Variants in TMPRSS15 observed in about 807,000 individuals in gnomAD.
TMPRSS15 encodes the protein transmembrane serine protease 15, also known as enteropeptidase.
Under a neutral mutation model 125.3 loss-of-function variants are expected in TMPRSS15, and 128 were observed. The ratio of observed to expected loss-of-function variants is 1.02; its 90% confidence interval spans 0.89 to 1.18. The LOEUF is 1.18. Among genes scored for constraint, TMPRSS15 ranks in the 50% most tolerant of loss-of-function variants. The pLI is 0.00. For missense variants in TMPRSS15, 1,283 were observed against 1,212.7 expected (o/e 1.06, Z -0.86); for synonymous variants, 446 against 423.2 (o/e 1.05, Z -0.66).
At chr21:18,462,951 C>A (rs1978578941) in intron 1 of TMPRSS15, among the ~76,000 whole-genome samples, 1 of 151,968 alleles carries the variant, frequency 6.6e-6, no homozygotes, top group Non-Finnish European at 1.5e-5. Context: ...CATATCCACC[C>A]AAACTGAGCT....
At position 18,341,565 on chromosome 21, in the gene TMPRSS15, C is replaced by T; in HGVS notation, c.1429-17G>A. On this transcript the variant is annotated splice_polypyrimidine_tract_variant and intron_variant, in intron 12 of 24. Transcript: ENST00000284885. ...AAAAGCAACCTGCAATTCAGAGAGGCATATGAAACGATTTGATTCCATTCT... is the reference window on the plus strand; with the variant it reads ...AAAAGCAACCTGCAATTCAGAGAGGTATATGAAACGATTTGATTCCATTCT... 2.5e-6 allele frequency: 4 copies of T among 1,613,664 alleles called. No homozygotes were observed. The highest frequency in any genetic ancestry group is 3.4e-6 in the Non-Finnish European group (4 of 1,179,702).
At chr21:18,448,030 A>G (rs541645766) in intron 1 of TMPRSS15, among the ~76,000 whole-genome samples, 2 of 152,340 alleles carry the variant, frequency 1.3e-5, no homozygotes, top group Non-Finnish European at 2.9e-5. Flanking sequence ...GTAAATTAGT[A>G]CAGCCATTAT....
At chr21:18,438,100 G>T (rs1364128831) in intron 1 of TMPRSS15, among the ~76,000 whole-genome samples, 1 of 151,168 alleles carries the variant, frequency 6.6e-6, no homozygotes, top group African/African-American at 2.4e-5. Context: ...CGATAGACTG[G>T]ATTAAGAAAA....
intron 1 of TMPRSS15, among the ~76,000 whole-genome samples, chr21:18,479,831 A>G (rs1978947907): frequency 5.3e-5 from 8 of 152,022 alleles, no homozygotes; most frequent in Admixed American, 5.3e-4. Context: ...ACAGTGTGGC[A>G]ATTCCTCAAG....
intron 5 of TMPRSS15, 132 bp from the exon 6 acceptor site, chr21:18,372,456 C>T (rs746107250): frequency 1.5e-5 from 12 of 798,096 alleles, no homozygotes; most frequent in Non-Finnish European, 2.4e-5. Flanking sequence ...ATATTTATTT[C>T]ATTTGCAAAT....
At chr21:18,425,498 C>A (rs1415018040) in intron 1 of TMPRSS15, among the ~76,000 whole-genome samples, 1 of 152,068 alleles carries the variant, frequency 6.6e-6, no homozygotes, top group African/African-American at 2.4e-5. Context: ...TTCTGTCGGT[C>A]AATTAAAAAC....
At chr21:18,479,650 C>G (rs9305870) in intron 1 of TMPRSS15, among the ~76,000 whole-genome samples, 7,294 of 152,124 alleles carry the variant, frequency 0.048, 490 homozygotes, top group African/African-American at 0.15. Flanking sequence ...CTCATCATCA[C>G]TGGTCACTAG....
rs756678214 is a variant in TMPRSS15, at chr21:18,332,118, C to G, written c.1620G>C (p.Thr540=). 4 of 1,614,058 alleles carry G rather than the reference C, an allele frequency of 2.5e-6. No individual in the cohort carries two copies. The East Asian group carries it at 6.7e-5, about 27-fold the overall frequency. Residue 540 remains threonine (T), a synonymous_variant, in exon 14 of 25, where the codon ACG becomes ACC. Coordinates refer to ENST00000284885, the MANE Select transcript of TMPRSS15 (RefSeq NM_002772.3). ...GATTAGGGTAGCTGTTTGGAAAGTT[C>G]GTAGAACTGAATGTTGTATTTGGCT... is the stretch of plus-strand genomic sequence containing the variant. ...LWEPNTTFSS[T]NFPNSYPNLA... is the part of the protein sequence containing the mutation.
chr21:18,367,908 T>C (rs1034045627), intron 6 of TMPRSS15, among the ~76,000 whole-genome samples: 1 of 152,062 alleles, frequency 6.6e-6, no homozygotes, highest in Non-Finnish European at 1.5e-5. Flanking sequence ...AATATCACAA[T>C]ATATATATAC....
At chr21:18,281,511 G>A (rs2074697853) in intron 21 of TMPRSS15, among the ~76,000 whole-genome samples, 1 of 152,080 alleles carries the variant, frequency 6.6e-6, no homozygotes, top group Non-Finnish European at 1.5e-5. Context: ...CTCGTGAGGT[G>A]CTTTTAAATA....
In TMPRSS15 at chr21:18,294,371, G is replaced by C; in HGVS notation, c.2385C>G (p.Ala795=). 6.2e-7 allele frequency: 1 copy of C among 1,614,252 alleles called. No homozygotes were observed. Among genetic ancestry groups the C allele is most frequent in the Non-Finnish European group, 8.5e-7 (1 of 1,180,046 alleles). Residue 795 remains alanine (A), a synonymous_variant, in exon 21 of 25, where the codon GCC becomes GCG. Coordinates refer to ENST00000284885, the MANE Select transcript of TMPRSS15 (RefSeq NM_002772.3). ...AATACAGACCCACAACCCAGGGCCAGGCCCCTTCTTTGGCATTACTTCCTC... is the reference window on the plus strand; with the variant it reads ...AATACAGACCCACAACCCAGGGCCACGCCCCTTCTTTGGCATTACTTCCTC... The part of the protein sequence containing the change: ...IVGGSNAKEG[A]WPWVVGLYYG...
intron 1 of TMPRSS15, among the ~76,000 whole-genome samples, chr21:18,423,462 G>A (rs1238297803): frequency 4.7e-5 from 7 of 148,532 alleles, no homozygotes; most frequent in Non-Finnish European, 8.9e-5. Context: ...AGGCTGGAGT[G>A]CAGTGGCGCG....
At chr21:18,441,356 C>T (rs970923754) in intron 1 of TMPRSS15, among the ~76,000 whole-genome samples, 1 of 151,902 alleles carries the variant, frequency 6.6e-6, no homozygotes, top group East Asian at 2.0e-4. Context: ...CCTGTAATCC[C>T]AGCACTTTGG....
intron 14 of TMPRSS15, among the ~76,000 whole-genome samples, chr21:18,330,957 C>T (rs1318290368): frequency 6.6e-6 from 1 of 151,426 alleles, no homozygotes; most frequent in Non-Finnish European, 1.5e-5. Flanking sequence ...CCTGTAGTCC[C>T]AGCTACTCGG....
Position 18,450,306 on chromosome 21 carries a change from T to C in TMPRSS15, c.10+35493A>G, listed in dbSNP as rs192210910. Among the ~76,000 whole-genome samples the C allele has an allele frequency of 3.3e-3, 506 of 152,152 alleles. 2 individuals are homozygous for C. Among genetic ancestry groups the C allele is most frequent in the Middle Eastern group, 0.01 (3 of 294 alleles). On this transcript the variant is annotated intron_variant, in intron 1 of 7. Transcript: ENST00000422787. ...ATATATTTCATCTGGGGTTGCATAA[T>C]GGAAAGATCTATTTTTTTCTAAAAC...
intron 1 of TMPRSS15, among the ~76,000 whole-genome samples, chr21:18,446,491 A>G (rs1017888556): frequency 1.3e-5 from 2 of 152,230 alleles, no homozygotes. Context: ...CAAATAGCCA[A>G]AGCAATTCCA....
chr21:18,287,859 C>T (rs1034013135), intron 21 of TMPRSS15, among the ~76,000 whole-genome samples: 2 of 152,206 alleles, frequency 1.3e-5, no homozygotes, highest in South Asian at 4.1e-4. Context: ...GGAAAAGGAT[C>T]CAAGACCTAA....
At chr21:18,319,871 CTACTT>C (rs548262967) in intron 16 of TMPRSS15, among the ~76,000 whole-genome samples, 241 of 152,320 alleles carry the variant, frequency 1.6e-3, no homozygotes, top group Non-Finnish European at 2.6e-3. Context: ...TTTGTATACT[CTACTT>C]TAAGCTTTGA....
upstream of TMPRSS15, among the ~76,000 whole-genome samples, chr21:18,406,104 G>A (rs2076151026): frequency 6.6e-6 from 1 of 152,106 alleles, no homozygotes; most frequent in Admixed American, 6.6e-5. Context: ...TCCATGAGAA[G>A]GGCTGGGAAG....
Sources: allele counts gnomAD v4.1 joint callset (sites outside exome capture counted in the v4.1 genomes callset), GRCh38; gene constraint gnomAD v4.1.1; transcripts MANE v1.5; gene names NCBI Gene and HGNC (gene_info 2026-07-23, HGNC 2026-07-21).